SNX29: variants seen among roughly 807,000 people sequenced by gnomAD.
SNX29 encodes the protein sorting nexin-29.
A neutral mutation model predicts 102.1 loss-of-function variants in SNX29; 78 were observed. The observed-to-expected ratio is 0.76, with a 90% CI of 0.64 to 0.92. The LOEUF (loss-of-function observed/expected upper bound fraction) is 0.92. Ranked by LOEUF, SNX29 falls within the 40% of genes least tolerant of loss-of-function variation. The probability of loss-of-function intolerance (pLI) is 0.00; values close to 1 mark genes in which losing one functional copy is unlikely to be tolerated. For synonymous variants in SNX29, 580 were observed against 414.5 expected, an observed-to-expected ratio of 1.40 and a Z score of -4.85; for missense variants, 1,280 against 1,061.7, an observed-to-expected ratio of 1.21 and a Z score of -2.86.
chr16:12,444,282 T>G (rs12925655), intron 18 of SNX29, among the ~76,000 whole-genome samples: 67 of 20,860 alleles, frequency 3.2e-3, no homozygotes, highest in African/African-American at 0.017. Flanking sequence ...GTATAGCACC[T>G]AGCATGTAGT....
chr16:12,550,100 G>C (rs996725342), intron 20 of SNX29, among the ~76,000 whole-genome samples: 2 of 152,226 alleles, frequency 1.3e-5, no homozygotes, highest in Non-Finnish European at 2.9e-5. Flanking sequence ...CTATGGGCTA[G>C]AATACTGAGG....
At chr16:12,523,356 T>C (rs1202313447) in intron 19 of SNX29, among the ~76,000 whole-genome samples, 1 of 152,166 alleles carries the variant, frequency 6.6e-6, no homozygotes, top group African/African-American at 2.4e-5. Flanking sequence ...TTCTGTGAGG[T>C]TGGAATGACC....
chr16:12,047,449 G>A (rs1247076368), intron 6 of SNX29, among the ~76,000 whole-genome samples: 1 of 152,116 alleles, frequency 6.6e-6, no homozygotes, highest in African/African-American at 2.4e-5. Flanking sequence ...TTCCTTTGTA[G>A]ATCATAAGAT....
At chr16:12,431,478 A>G (rs748802703) in intron 18 of SNX29, among the ~76,000 whole-genome samples, 1 of 143,522 alleles carries the variant, frequency 7.0e-6, no homozygotes, top group Admixed American at 6.9e-5. Flanking sequence ...TTTGCATTGA[A>G]GTTATTGATC....
At chr16:12,246,534 A>G (rs1008251657) in intron 14 of SNX29, among the ~76,000 whole-genome samples, 1 of 152,088 alleles carries the variant, frequency 6.6e-6, no homozygotes, top group Admixed American at 6.5e-5. Flanking sequence ...CCAGCTACTC[A>G]GGAGGCTGAG....
intron 14 of SNX29, among the ~76,000 whole-genome samples, chr16:12,234,456 A>C (rs146089661): frequency 6.6e-6 from 1 of 151,254 alleles, no homozygotes. Context: ...TGTATTGTGG[A>C]TACTAGACCC....
At chr16:11,999,822 A>C (rs533908796) in intron 2 of SNX29, among the ~76,000 whole-genome samples, 41 of 151,828 alleles carry the variant, frequency 2.7e-4, no homozygotes, top group African/African-American at 9.2e-4. Flanking sequence ...AATTGCTTGA[A>C]CCTGGTAGGT....
At chr16:12,231,270 C>G (rs141062139) in intron 14 of SNX29, among the ~76,000 whole-genome samples, 53 of 152,272 alleles carry the variant, frequency 3.5e-4, no homozygotes, top group African/African-American at 1.2e-3. Flanking sequence ...TCCACCATAC[C>G]ATCCAGCTCA....
chr16:12,421,312 C>G (rs564262404), intron 18 of SNX29, among the ~76,000 whole-genome samples: 1 of 152,136 alleles, frequency 6.6e-6, no homozygotes, highest in African/African-American at 2.4e-5. Context: ...GCTGCTCTGC[C>G]CTTTAACAAG....
At chr16:12,042,875 C>A in intron 4 of SNX29, 22 bp from the exon 5 acceptor site, 2 of 1,585,956 alleles carry the variant, frequency 1.3e-6, no homozygotes, top group Non-Finnish European at 8.6e-7. Flanking sequence ...GAGTGCCAGG[C>A]GCCTGTGCCC....
chr16:12,522,361 C>T (rs1314870514), intron 19 of SNX29, among the ~76,000 whole-genome samples: 2 of 152,324 alleles, frequency 1.3e-5, no homozygotes, highest in South Asian at 2.1e-4. Context: ...CTCTTCTTGC[C>T]ATGCTCGGGG....
intron 19 of SNX29, among the ~76,000 whole-genome samples, chr16:12,483,690 C>T (rs1209491022): frequency 6.6e-6 from 1 of 152,174 alleles, no homozygotes; most frequent in Non-Finnish European, 1.5e-5. Flanking sequence ...GTGACTTAAG[C>T]CAACAAGGGT....
At chr16:12,182,621 A>G (rs2076413786) in intron 13 of SNX29, among the ~76,000 whole-genome samples, 1 of 151,908 alleles carries the variant, frequency 6.6e-6, no homozygotes, top group Non-Finnish European at 1.5e-5. Flanking sequence ...TCATCTGTTT[A>G]CCCTCAATGG....
At chr16:12,013,500 A>AAAAAAT in intron 3 of SNX29, among the ~76,000 whole-genome samples, 33 of 31,624 alleles carry the variant, frequency 1.0e-3, no homozygotes, top group Middle Eastern at 0.019. Flanking sequence ...AAAAAAAAAA[A>AAAAAAT]ATATATATAT....
At chr16:12,446,796 G>A (rs758881222) in intron 18 of SNX29, among the ~76,000 whole-genome samples, 2 of 152,052 alleles carry the variant, frequency 1.3e-5, no homozygotes, top group Admixed American at 6.5e-5. Context: ...TGAAATGGCC[G>A]TTATTCACCT....
chr16:12,398,032 T>G (rs1282834763), intron 16 of SNX29, among the ~76,000 whole-genome samples: 1 of 152,204 alleles, frequency 6.6e-6, no homozygotes, highest in Non-Finnish European at 1.5e-5. Flanking sequence ...GGGGGTGACA[T>G]TGGCCTTTTG....
intron 15 of SNX29, among the ~76,000 whole-genome samples, chr16:12,331,098 T>C (rs920329156): frequency 6.6e-6 from 1 of 152,238 alleles, no homozygotes; most frequent in African/African-American, 2.4e-5. Context: ...TTGCACCCCA[T>C]GGGCTCCTAC....
chr16:12,547,566 C>G (rs543494179), intron 20 of SNX29, among the ~76,000 whole-genome samples: 2 of 152,042 alleles, frequency 1.3e-5, no homozygotes, highest in Non-Finnish European at 2.9e-5. Context: ...GGTTAACATC[C>G]CCCTCCCTCA....
In SNX29 at chr16:12,573,906, A is replaced by AC. The variant is rs1412160117; in HGVS notation, c.*5279dup. ...TAGCCGTCAGGTAGAACGCTTACTC[A>AC]CCTGACACCGACTTCTTAGAGAAGC... On this transcript the variant is annotated 3_prime_UTR_variant, in exon 21 of 21. Transcript: ENST00000566228. 2 of 204,124 alleles carry AC rather than the reference A, an allele frequency of 9.8e-6. No individual in the cohort carries two copies. The highest frequency in any genetic ancestry group is 2.0e-5 in the Non-Finnish European group (2 of 99,636). 12.6% of individuals were successfully genotyped at this position (204,124 alleles called of 1,614,324 possible). A position where few individuals can be genotyped will look rare whatever the true frequency, so the allele number is the denominator to read the frequency against.
Sources: gnomAD v4.1 joint callset for allele counts (sites outside exome capture counted in the v4.1 genomes callset) on GRCh38, gnomAD v4.1.1 for gene constraint, MANE v1.5 for transcripts, NCBI Gene and HGNC (gene_info 2026-07-23, HGNC 2026-07-21) for gene names.